The following CXorf66 variants were observed in gnomAD, a reference collection of about 807,000 sequenced individuals.
The protein encoded by CXorf66 is uncharacterized protein CXorf66.
In CXorf66, 6 loss-of-function variants were observed where a neutral mutation model predicts 5.0. That is an observed-to-expected ratio of 1.20 (90% CI 0.65 to 2.36). CXorf66 has a LOEUF of 2.36. Among genes scored for constraint, CXorf66 ranks in the 30% most tolerant of loss-of-function variants. CXorf66 has a pLI of 0.00. For missense variants in CXorf66, 270 were observed against 254.9 expected (o/e 1.06, Z -0.40); for synonymous variants, 98 against 102.8 (o/e 0.95, Z 0.28).
rs369902078 is a variant in CXorf66, at chrX:139,958,108, A to G, written c.198T>C (p.Tyr66=). 11 of 1,205,145 alleles carry G rather than the reference A, an allele frequency of 9.1e-6. No homozygotes were observed. The East Asian group carries it at 3.3e-4, about 36-fold the overall frequency. The change falls in exon 2 of 3, where the codon TAT becomes TAC. Residue 66 remains tyrosine, a synonymous_variant. Coordinates refer to ENST00000370540, the MANE Select transcript of CXorf66 (RefSeq NM_001013403.3). ...IMVFVFICFC[Y]LHYNCLSDDA... ...CATCGCTCAGACAATTATAATGGAG[A>G]TAACAAAAACAGATAAAGACAAAAA...
In CXorf66 at chrX:139,959,239, G is replaced by A. The variant is rs748575077; in HGVS notation, c.89-1022C>T. Among the ~76,000 whole-genome samples, 40 of 111,517 alleles carry A rather than the reference G, an allele frequency of 3.6e-4. 1 individual carries two copies. The highest frequency in any genetic ancestry group is 1.2e-3 in the African/African-American group (37 of 30,716). The stretch of plus-strand genomic sequence containing the variant: ...GATGGAGCTTGGTGGGGGGAGGGGC[G>A]TCCACCATTACTGAGGCTTCAGGAG... On this transcript the variant is annotated intron_variant, in intron 1 of 2. Coordinates refer to ENST00000370540, the MANE Select transcript of CXorf66 (RefSeq NM_001013403.3).
At chrX:139,960,420 G>A (rs1307927624) in intron 1 of CXorf66, among the ~76,000 whole-genome samples, 2 of 110,361 alleles carry the variant, frequency 1.8e-5, no homozygotes, top group East Asian at 5.7e-4. Context: ...CAAGAAATAT[G>A]GGACTATGTG....
chrX:139,956,418 T>C lies in CXorf66; in HGVS notation c.564A>G (p.Leu188=). Residue 188 remains leucine, a synonymous_variant, in exon 3 of 3, where the codon CTA becomes CTG. Transcript: ENST00000370540. ...CATAGTCTAGCTTACATAATTTTTC[T>C]AGGCTGCCTTTCTTATGTGCCTTTT... is the stretch of plus-strand genomic sequence containing the variant. The part of the protein sequence containing the change: ...HLEKAHKKGS[L]EKLCKLDYAC... The C allele has an allele frequency of 8.3e-7, 1 of 1,212,031 alleles. No homozygotes were observed.
At chrX:139,962,905 T>C (rs1312811123) in intron 1 of CXorf66, among the ~76,000 whole-genome samples, 2 of 111,712 alleles carry the variant, frequency 1.8e-5, no homozygotes, top group Non-Finnish European at 3.8e-5. Context: ...ATAAACTAGG[T>C]ATTGATGGAA....
At chrX:139,956,837 T>G in intron 2 of CXorf66, 98 bp from the exon 3 acceptor site, 1 of 847,440 alleles carries the variant, frequency 1.2e-6, no homozygotes, top group East Asian at 3.1e-5. Flanking sequence ...CTGTGGTCTT[T>G]TGGGGCTTTA....
intron 2 of CXorf66, among the ~76,000 whole-genome samples, chrX:139,957,663 C>A (rs1288500026): frequency 9.0e-6 from 1 of 111,728 alleles, no homozygotes; most frequent in Non-Finnish European, 1.9e-5. Flanking sequence ...AGAGCAACAA[C>A]AGTGAATAAT....
At chrX:139,965,369 A>C in intron 1 of CXorf66, 40 bp downstream of exon 1, 2 of 960,193 alleles carry the variant, frequency 2.1e-6, no homozygotes, top group Non-Finnish European at 3.0e-6. Context: ...TGTATACTGT[A>C]ACAGATCATA....
intron 2 of CXorf66, among the ~76,000 whole-genome samples, chrX:139,956,974 T>C (rs1439530896): frequency 7.2e-5 from 8 of 111,025 alleles, no homozygotes; most frequent in Admixed American, 6.8e-4. Context: ...GAGACCAGGC[T>C]GGCCAACATG....
chrX:139,960,018 C>T (rs1197072439), intron 1 of CXorf66, among the ~76,000 whole-genome samples: 1 of 110,928 alleles, frequency 9.0e-6, no homozygotes, highest in African/African-American at 3.3e-5. Flanking sequence ...TGTCTTTTCT[C>T]CTCCAAATGA....
Position 139,955,728 on chromosome X carries a change from T to C in CXorf66, c.*168A>G, listed in dbSNP as rs1319005845. 1.5e-5 allele frequency: 6 copies of C among 413,735 alleles called. No individual in the cohort carries two copies. The highest frequency in any genetic ancestry group is 1.0e-4 in the African/African-American group (4 of 39,978). 34.1% of individuals were successfully genotyped at this position (413,735 alleles called of 1,213,427 possible). ...AATGAAATAATAATTACAATAGTAA[T>C]TTATGTCATGCATTTTATTGATATT... On this transcript the variant is annotated 3_prime_UTR_variant, in exon 3 of 3. Coordinates refer to ENST00000370540, the MANE Select transcript of CXorf66 (RefSeq NM_001013403.3).
rs747138192 is a variant in CXorf66 at position 139,956,515 on chromosome X, G to C, written c.467C>G (p.Thr156Ser). Residue 156 changes from threonine (T) to serine (S), a missense_variant, in exon 3 of 3, where the codon ACT (threonine) becomes AGT (serine). Thr to Ser is a moderately conservative substitution (Grantham distance 58). Transcript: ENST00000370540. ...PSIPNSAGKL[T>S]RPSYPKRSSK... ...TGACCTTTTTGGATATGATGGCCTAGTTAACTTTCCTGCACTGTTTGGTAT... is the reference window on the plus strand; with the variant it reads ...TGACCTTTTTGGATATGATGGCCTACTTAACTTTCCTGCACTGTTTGGTAT... 1.7e-6 allele frequency: 2 copies of C among 1,211,755 alleles called. No individual in the cohort carries two copies. The highest frequency in any genetic ancestry group is 3.5e-5 in the South Asian group (2 of 57,004).
rs775894985 is a variant in CXorf66 at position 139,956,558 on chromosome X, T to A, written c.424A>T (p.Ser142Cys). ...SSTEKLIRPS[S>C]LQKPSIPNSA... The stretch of plus-strand genomic sequence containing the variant: ...TTTGGTATGGATGGCTTTTGTAGAC[T>A]TGAGGGTCTGATTAATTTTTCTGTG... The change falls in exon 3 of 3, where the codon AGT becomes TGT. Residue 142 changes from serine to cysteine, a missense_variant. By Grantham distance (112) the Ser-to-Cys change is moderately radical (BLOSUM62 -1). Transcript: ENST00000370540. 2.5e-6 allele frequency: 3 copies of A among 1,209,507 alleles called. No homozygotes were observed. The African/African-American group carries it at 5.3e-5, about 21-fold the overall frequency.
At chrX:139,961,313 A>G (rs1414691817) in intron 1 of CXorf66, among the ~76,000 whole-genome samples, 1 of 111,804 alleles carries the variant, frequency 8.9e-6, no homozygotes, top group Non-Finnish European at 1.9e-5. Flanking sequence ...TTAAACCAAC[A>G]AAGATCAAAA....
At chrX:139,963,471 A>G (rs978963070) in intron 1 of CXorf66, among the ~76,000 whole-genome samples, 12 of 112,136 alleles carry the variant, frequency 1.1e-4, no homozygotes, top group Admixed American at 1.0e-3. Flanking sequence ...CAATATCGTG[A>G]AAATGGCCAT....
chrX:139,956,381 C>T lies in CXorf66; in HGVS notation c.601G>A (p.Ala201Thr), dbSNP rs1163909195. ...GGCCTGACTGGCTTATCTGAACTGG[C>T]TAGCTTACACGCATAGTCTAGCTTA... ...LCKLDYACKL[A>T]SSDKPVRPPQ... Residue 201 changes from alanine to threonine, a missense_variant, in exon 3 of 3, where the codon GCC (alanine) becomes ACC (threonine). By Grantham distance (58) the Ala-to-Thr change is moderately conservative (BLOSUM62 0). Coordinates refer to ENST00000370540, the MANE Select transcript of CXorf66 (RefSeq NM_001013403.3). The T allele has an allele frequency of 3.3e-6, 4 of 1,210,234 alleles. No individual in the cohort carries two copies. Among genetic ancestry groups the T allele is most frequent in the Non-Finnish European group, 4.5e-6 (4 of 895,363 alleles).
intron 1 of CXorf66, among the ~76,000 whole-genome samples, chrX:139,962,523 A>C (rs1389356366): frequency 8.9e-6 from 1 of 111,755 alleles, no homozygotes; most frequent in Non-Finnish European, 1.9e-5. Context: ...TTCCTTCTGA[A>C]ACTATTTTAA....
At chrX:139,961,154 A>C (rs928486412) in intron 1 of CXorf66, among the ~76,000 whole-genome samples, 4 of 111,941 alleles carry the variant, frequency 3.6e-5, no homozygotes, top group African/African-American at 1.3e-4. Flanking sequence ...TAAAGAGTCA[A>C]GACTCATCAG....
intron 1 of CXorf66, among the ~76,000 whole-genome samples, chrX:139,960,270 C>T (rs973081866): frequency 1.8e-5 from 2 of 108,517 alleles, no homozygotes; most frequent in African/African-American, 6.7e-5. Context: ...ACGAGAACTT[C>T]GTGATGCATA....
At chrX:139,959,513 C>T (rs774507043) in intron 1 of CXorf66, among the ~76,000 whole-genome samples, 50 of 112,528 alleles carry the variant, frequency 4.4e-4, no homozygotes, top group African/African-American at 1.6e-3. Flanking sequence ...ACATTCCTGC[C>T]TGCCAGCTCT....
Sources: gnomAD v4.1 joint callset for allele counts (sites outside exome capture counted in the v4.1 genomes callset) on GRCh38, gnomAD v4.1.1 for gene constraint, MANE v1.5 for transcripts, NCBI Gene and HGNC (gene_info 2026-07-23, HGNC 2026-07-21) for gene names.